CAMTA1: variants seen among roughly 807,000 people sequenced by gnomAD.
CAMTA1 encodes calmodulin binding transcription activator 1.
A neutral mutation model predicts 170.9 loss-of-function variants in CAMTA1; 27 were observed. The observed-to-expected ratio is 0.16, with a 90% CI of 0.12 to 0.22. The LOEUF (loss-of-function observed/expected upper bound fraction) is 0.22. CAMTA1 is among the 10% of genes least tolerant of loss of function. CAMTA1 has a pLI of 1.00. For synonymous variants in CAMTA1, 833 were observed against 891.5 expected (o/e 0.93, Z 1.17); for missense variants, 1,619 against 2,217.2 (o/e 0.73, Z 5.42).
chr1:6,926,374 CTT>C (rs1192688084), intron 3 of CAMTA1, among the ~76,000 whole-genome samples: 8 of 141,304 alleles, frequency 5.7e-5, no homozygotes, highest in Non-Finnish European at 9.1e-5. Context: ...CTTCCTTTCT[CTT>C]TCTTTCTCTG....
chr1:7,199,642 G>A (rs1656275760), intron 4 of CAMTA1, among the ~76,000 whole-genome samples: 1 of 151,972 alleles, frequency 6.6e-6, no homozygotes. Flanking sequence ...ACCCAGCCGT[G>A]TGCGCAGGGA....
intron 11 of CAMTA1, among the ~76,000 whole-genome samples, chr1:7,725,761 C>T (rs1044223968): frequency 1.1e-4 from 17 of 152,216 alleles, no homozygotes; most frequent in African/African-American, 3.4e-4. Flanking sequence ...ACCCACTGGA[C>T]CAAAACTCTG....
At chr1:7,584,156 T>A (rs1393974366) in intron 6 of CAMTA1, among the ~76,000 whole-genome samples, 1 of 152,122 alleles carries the variant, frequency 6.6e-6, no homozygotes, top group African/African-American at 2.4e-5. Flanking sequence ...TTGTTAAAGA[T>A]GATAAGGCAG....
rs2083271020 is a variant in CAMTA1, at chr1:7,335,123, T to TG, written c.438+85497_438+85498insG. On this transcript the variant is annotated intron_variant, in intron 5 of 22. Transcript: ENST00000303635. ...AGAGGGCTTGTTTGGCAGCACAGCT[T>TG]TTGTGTGTGTGTGTGTGGGGGGGGG... Among the ~76,000 whole-genome samples the TG allele has an allele frequency of 1.8e-4, 10 of 54,894 alleles. 1 individual carries two copies. Among genetic ancestry groups the TG allele is most frequent in the African/African-American group, 4.4e-4 (6 of 13,764 alleles). The allele number at this position is 54,894 out of a possible 152,430, so 36.0% of individuals were successfully genotyped here.
chr1:7,669,792 C>A (rs962147986), intron 9 of CAMTA1, among the ~76,000 whole-genome samples: 2 of 152,180 alleles, frequency 1.3e-5, no homozygotes, highest in African/African-American at 4.8e-5. Context: ...GGCACCCCTA[C>A]CTTCCTCATC....
At chr1:7,351,018 C>T (rs956819181) in intron 5 of CAMTA1, among the ~76,000 whole-genome samples, 3 of 152,232 alleles carry the variant, frequency 2.0e-5, no homozygotes, top group South Asian at 4.1e-4. Context: ...AGGCCCATCA[C>T]GGGTGGGGCG....
At chr1:6,820,068 G>C in intron 1 of CAMTA1, 113 bp from the exon 2 acceptor site, 1 of 696,944 alleles carries the variant, frequency 1.4e-6, no homozygotes. Context: ...GGATTTGTCT[G>C]ATGTTTCCTC....
intron 3 of CAMTA1, among the ~76,000 whole-genome samples, chr1:6,860,794 C>T (rs1664376026): frequency 6.6e-6 from 1 of 151,960 alleles, no homozygotes; most frequent in South Asian, 2.1e-4. Context: ...TGCCTGTAAT[C>T]CCAGCTACTT....
chr1:6,821,954 C>T (rs1252212640), intron 2 of CAMTA1, among the ~76,000 whole-genome samples: 1 of 152,102 alleles, frequency 6.6e-6, no homozygotes, highest in Non-Finnish European at 1.5e-5. Flanking sequence ...AGTTGTCAGT[C>T]AAGCAAATCA....
intron 3 of CAMTA1, among the ~76,000 whole-genome samples, chr1:6,891,985 C>T (rs1674595300): frequency 6.6e-6 from 1 of 152,136 alleles, no homozygotes; most frequent in Non-Finnish European, 1.5e-5. Flanking sequence ...AGAGTTAGAG[C>T]CCAGGTCCAC....
intron 3 of CAMTA1, among the ~76,000 whole-genome samples, chr1:6,920,695 C>A (rs1056126392): frequency 6.6e-6 from 1 of 152,246 alleles, no homozygotes; most frequent in African/African-American, 2.4e-5. Flanking sequence ...GGTTCCCATA[C>A]CTCAATTCTT....
chr1:7,750,609 G>A (rs1300768689), intron 19 of CAMTA1, among the ~76,000 whole-genome samples: 1 of 152,218 alleles, frequency 6.6e-6, no homozygotes, highest in African/African-American at 2.4e-5. Flanking sequence ...TGTGACAGCC[G>A]TCCAGGTTTC....
chr1:7,619,135 A>G (rs1438046047), intron 6 of CAMTA1, among the ~76,000 whole-genome samples: 1 of 152,232 alleles, frequency 6.6e-6, no homozygotes, highest in African/African-American at 2.4e-5. Context: ...GACCCAGTCC[A>G]TAGGAGGAAA....
chr1:7,704,220 TCGGCGCGGAGCTTCGGGCGGCCCCGA>T (rs1489655356), intron 11 of CAMTA1, among the ~76,000 whole-genome samples: 13 of 146,648 alleles, frequency 8.9e-5, no homozygotes, highest in Non-Finnish European at 1.5e-5. Flanking sequence ...ACGCGGGCCC[TCGGCGCGGAGCTTCGGGCGGCCCCGA>T]CGGCGCGGGG....
intron 3 of CAMTA1, among the ~76,000 whole-genome samples, chr1:7,080,698 C>G (rs1484006092): frequency 1.3e-5 from 2 of 152,112 alleles, no homozygotes; most frequent in Non-Finnish European, 2.9e-5. Context: ...CCATGCCAGG[C>G]TAATTTTTGT....
chr1:7,101,123 C>T (rs1470085720), intron 4 of CAMTA1, among the ~76,000 whole-genome samples: 1 of 152,196 alleles, frequency 6.6e-6, no homozygotes, highest in South Asian at 2.1e-4. Context: ...CATCGATGGT[C>T]ATTTTGTTTT....
chr1:7,270,494 T>A (rs1669639597), intron 5 of CAMTA1, among the ~76,000 whole-genome samples: 1 of 151,856 alleles, frequency 6.6e-6, no homozygotes, highest in Non-Finnish European at 1.5e-5. Context: ...GGGGGTTTCA[T>A]CAAGTTGGCC....
intron 3 of CAMTA1, among the ~76,000 whole-genome samples, chr1:6,909,466 G>A (rs1679253574): frequency 6.6e-6 from 1 of 152,250 alleles, no homozygotes; most frequent in Non-Finnish European, 1.5e-5. Context: ...ATCTCCAGCA[G>A]GGTAACAGTT....
rs2101784201 is a variant in CAMTA1 at position 7,063,287 on chromosome 1, G to A, written c.235-28017G>A. 6.6e-6 allele frequency among the ~76,000 whole-genome samples: 1 copy of A among 152,306 alleles called. No homozygotes were observed. Among genetic ancestry groups the A allele is most frequent in the East Asian group, 1.9e-4 (1 of 5,180 alleles). On this transcript the variant is annotated intron_variant, in intron 3 of 22. Transcript: ENST00000303635. The surrounding 1 kb of genome is among the most constrained non-coding windows in gnomAD (Gnocchi z 4.3). ...GAATTCCTAGTGGAAAGACAGGGACGACTCTTCCGCAACACCTCTCAGACC... is the reference window on the plus strand; with the variant it reads ...GAATTCCTAGTGGAAAGACAGGGACAACTCTTCCGCAACACCTCTCAGACC...
Sources: gnomAD v4.1 joint callset for allele counts (sites outside exome capture counted in the v4.1 genomes callset) on GRCh38, gnomAD v4.1.1 for gene constraint, Gnocchi (gnomAD v3.1) non-coding constraint, MANE v1.5 for transcripts, NCBI Gene and HGNC (gene_info 2026-07-23, HGNC 2026-07-21) for gene names.